Variants in ANGPTL5 observed in about 807,000 individuals in gnomAD.
The protein encoded by ANGPTL5 is angiopoietin like 5.
ANGPTL5 carries 34 observed loss-of-function variants against 39.4 expected under a neutral mutation model. The ratio of observed to expected loss-of-function variants is 0.86; its 90% CI spans 0.66 to 1.15. The LOEUF (loss-of-function observed/expected upper bound fraction) is 1.15. Among genes scored for constraint, ANGPTL5 ranks in the 50% most tolerant of loss-of-function variants. The probability of loss-of-function intolerance (pLI) is 0.00; values close to 1 mark genes in which losing one functional copy is unlikely to be tolerated. For missense variants in ANGPTL5, 467 were observed against 457.5 expected (o/e 1.02, Z -0.19); for synonymous variants, 146 against 152.1 (o/e 0.96, Z 0.29).
intron 1 of ANGPTL5, among the ~76,000 whole-genome samples, chr11:101,914,736 G>A (rs946893057): frequency 7.2e-5 from 11 of 152,162 alleles, no homozygotes; most frequent in African/African-American, 2.7e-4. Flanking sequence ...ACTCCTCCCG[G>A]TGGCAATTGC....
At chr11:101,914,275 C>T (rs1250342710) in intron 1 of ANGPTL5, among the ~76,000 whole-genome samples, 2 of 152,194 alleles carry the variant, frequency 1.3e-5, no homozygotes, top group East Asian at 3.8e-4. Flanking sequence ...TTACATTAGG[C>T]TCCAACAATA....
At chr11:101,911,951 A>T (rs1940098026) in intron 1 of ANGPTL5, among the ~76,000 whole-genome samples, 1 of 152,206 alleles carries the variant, frequency 6.6e-6, no homozygotes, top group Non-Finnish European at 1.5e-5. Flanking sequence ...TCCTTCATTC[A>T]GACCTCTGTC....
rs1291827245 is a variant in ANGPTL5 at position 101,916,221 on chromosome 11, C to A, written c.-295G>T. The A allele has an allele frequency of 6.6e-6, 1 of 152,124 alleles. No individual in the cohort carries two copies. The highest frequency in any genetic ancestry group is 2.4e-5 in the African/African-American group (1 of 41,414). 9.4% of individuals were successfully genotyped at this position (152,124 alleles called of 1,614,324 possible). A position where few individuals can be genotyped will look rare whatever the true frequency, so the allele number is the denominator to read the frequency against. On this transcript the variant is annotated 5_prime_UTR_variant, in exon 1 of 9. Transcript: ENST00000334289. ...GTCAGAGATGAGTGTCTTCTCTTTCCAAGTTAACTCTGTTTTCTTATCCCC... is the reference window on the plus strand; with the variant it reads ...GTCAGAGATGAGTGTCTTCTCTTTCAAAGTTAACTCTGTTTTCTTATCCCC...
intron 7 of ANGPTL5, among the ~76,000 whole-genome samples, chr11:101,897,125 C>A (rs2137052915): frequency 6.6e-6 from 1 of 152,216 alleles, no homozygotes; most frequent in East Asian, 1.9e-4. Context: ...AGCTTTTTTT[C>A]ATATGTGGTT....
intron 4 of ANGPTL5, among the ~76,000 whole-genome samples, chr11:101,905,123 G>T (rs996223310): frequency 3.3e-5 from 5 of 152,112 alleles, no homozygotes; most frequent in African/African-American, 1.2e-4. Flanking sequence ...CCCGATTTCT[G>T]CATTTGGCTG....
Position 101,891,452 on chromosome 11 carries a change from C to A in ANGPTL5, c.994G>T (p.Gly332Cys), listed in dbSNP as rs780584082. Residue 332 changes from glycine (G) to cysteine (C), a missense_variant, in exon 9 of 9, where the codon GGC (glycine) becomes TGC (cysteine). By Grantham distance (159) the Gly-to-Cys change is radical (BLOSUM62 -3). Coordinates refer to ENST00000334289, the MANE Select transcript of ANGPTL5 (RefSeq NM_178127.5). The part of the protein sequence containing the change: ...KSCSHLHNKT[G>C]WWFNECGLAN... ...AGACCACACTCGTTAAACCACCAGC[C>A]GGTCTTGTTATGGAGGTGACTGCAG... is the stretch of plus-strand genomic sequence containing the variant. 55 of 1,613,940 alleles carry A rather than the reference C, an allele frequency of 3.4e-5. No individual in the cohort carries two copies. Among genetic ancestry groups the A allele is most frequent in the Non-Finnish European group, 4.2e-5 (49 of 1,180,002 alleles).
In ANGPTL5 at chr11:101,891,222, T is replaced by C; in HGVS notation, c.*57A>G. On this transcript the variant is annotated 3_prime_UTR_variant, in exon 9 of 9. Coordinates refer to ENST00000334289, the MANE Select transcript of ANGPTL5 (RefSeq NM_178127.5). ...GAAACACTAAGTGAAAAGATAAACT[T>C]TTAAAAATCTTTAATATATTATCAT... 6.8e-7 allele frequency: 1 copy of C among 1,476,002 alleles called. No homozygotes were observed. The highest frequency in any genetic ancestry group is 9.2e-7 in the Non-Finnish European group (1 of 1,084,900). The allele number at this position is 1,476,002 out of a possible 1,614,324, so 91.4% of individuals were successfully genotyped here. A position where few individuals can be genotyped will look rare whatever the true frequency, so the allele number is the denominator to read the frequency against.
intron 7 of ANGPTL5, among the ~76,000 whole-genome samples, chr11:101,898,793 G>C (rs1464089551): frequency 2.0e-5 from 3 of 152,236 alleles, no homozygotes; most frequent in Admixed American, 6.5e-5. Flanking sequence ...GTCATAAATA[G>C]CTCTTACTAT....
chr11:101,910,424 A>AAAAAAAATAT (rs1469724609), intron 1 of ANGPTL5, among the ~76,000 whole-genome samples: 100 of 127,192 alleles, frequency 7.9e-4, no homozygotes, highest in African/African-American at 2.9e-3. Context: ...AAAAAAAAAA[A>AAAAAAAATAT]ATATATATAT....
At chr11:101,893,930 T>C (rs1222147527) in intron 8 of ANGPTL5, among the ~76,000 whole-genome samples, 1 of 152,190 alleles carries the variant, frequency 6.6e-6, no homozygotes, top group Admixed American at 6.5e-5. Context: ...CAAGACTAGA[T>C]CAGTGGTTCT....
At chr11:101,913,980 T>C (rs562954812) in intron 1 of ANGPTL5, among the ~76,000 whole-genome samples, 54 of 152,364 alleles carry the variant, frequency 3.5e-4, no homozygotes, top group African/African-American at 1.3e-3. Flanking sequence ...TTCATGTGTT[T>C]TGTGTCTTAA....
chr11:101,913,866 C>T (rs1323356199), intron 1 of ANGPTL5, among the ~76,000 whole-genome samples: 1 of 152,168 alleles, frequency 6.6e-6, no homozygotes, highest in Non-Finnish European at 1.5e-5. Flanking sequence ...TGTGGCTAGG[C>T]CAATTAAAAA....
At chr11:101,908,900 A>G (rs1026227544) in intron 1 of ANGPTL5, among the ~76,000 whole-genome samples, 2 of 152,108 alleles carry the variant, frequency 1.3e-5, no homozygotes, top group African/African-American at 4.8e-5. Flanking sequence ...GAGAAATAAT[A>G]TTATTGAAAA....
chr11:101,912,686 T>C (rs1028688194), intron 1 of ANGPTL5, among the ~76,000 whole-genome samples: 1 of 152,178 alleles, frequency 6.6e-6, no homozygotes, highest in Non-Finnish European at 1.5e-5. Context: ...AAGTCTAAAC[T>C]GAAATAAAAT....
At chr11:101,904,565 T>C (rs1190036730) in intron 5 of ANGPTL5, among the ~76,000 whole-genome samples, 1 of 152,202 alleles carries the variant, frequency 6.6e-6, no homozygotes, top group African/African-American at 2.4e-5. Context: ...GAAAGCTATG[T>C]TATTTTCAAC....
At position 101,891,522 on chromosome 11, in the gene ANGPTL5, A is replaced by G. The variant is rs1939696053; in HGVS notation, c.924T>C (p.Asp308=). ...MPFSTSDVDN[D]GCRPACLVNG... ...TGACCAGGCATGCAGGGCGACACCCATCATTATCAACATCTGATGTGCTAA... is the reference window on the plus strand; with the variant it reads ...TGACCAGGCATGCAGGGCGACACCCGTCATTATCAACATCTGATGTGCTAA... Residue 308 remains aspartate (D), a synonymous_variant, in exon 9 of 9, where the codon GAT becomes GAC. Transcript: ENST00000334289. The G allele has an allele frequency of 2.5e-6, 4 of 1,614,110 alleles. No individual in the cohort carries two copies. The highest frequency in any genetic ancestry group is 3.4e-6 in the Non-Finnish European group (4 of 1,179,980).
At chr11:101,913,169 A>G (rs542068115) in intron 1 of ANGPTL5, among the ~76,000 whole-genome samples, 15 of 152,204 alleles carry the variant, frequency 9.9e-5, no homozygotes, top group Non-Finnish European at 1.8e-4. Context: ...CCTGATGAGA[A>G]CATCACCAAC....
In ANGPTL5 at chr11:101,907,109, T is replaced by C. The variant is rs559906328; in HGVS notation, c.235A>G (p.Met79Val). The change falls in exon 3 of 9, where the codon ATG becomes GTG. Residue 79 changes from methionine (M) to valine (V), a missense_variant. Met to Val is a conservative substitution (Grantham distance 21). Coordinates refer to ENST00000334289, the MANE Select transcript of ANGPTL5 (RefSeq NM_178127.5). ...TKITREEKHFMCRNLQNSIVS... is the reference protein window; with the variant it reads ...TKITREEKHFVCRNLQNSIVS... ...GTTTATTTTTAATACTTACTACACA[T>C]GAAATGTTTTTCTTCTCGTGTAATT... The C allele has an allele frequency of 3.2e-6, 5 of 1,574,212 alleles. No individual in the cohort carries two copies. Among genetic ancestry groups the C allele is most frequent in the Non-Finnish European group, 4.4e-6 (5 of 1,148,360 alleles).
In ANGPTL5 at chr11:101,902,665, C is replaced by T. The variant is rs371557379; in HGVS notation, c.496G>A (p.Gly166Ser). Residue 166 changes from glycine to serine, a missense_variant, in exon 6 of 9, where the codon GGT becomes AGT. Coordinates refer to ENST00000334289, the MANE Select transcript of ANGPTL5 (RefSeq NM_178127.5). The stretch of plus-strand genomic sequence containing the variant: ...CCTTCTGGGTGAATTATGTATAAAC[C>T]ACTCGGTGTTTTGGTGACAGAGCCA... ...TIGSVTKTPS[G>S]LYIIHPEGSS... 6.8e-6 allele frequency: 11 copies of T among 1,611,814 alleles called. No individual in the cohort carries two copies. Among genetic ancestry groups the T allele is most frequent in the African/African-American group, 2.7e-5 (2 of 74,834 alleles).
Sources: gnomAD v4.1 joint callset for allele counts (sites outside exome capture counted in the v4.1 genomes callset) on GRCh38, gnomAD v4.1.1 for gene constraint, MANE v1.5 for transcripts, NCBI Gene and HGNC (gene_info 2026-07-23, HGNC 2026-07-21) for gene names.